The following NTN1 variants were observed in gnomAD, a reference collection of about 807,000 sequenced individuals.
The protein encoded by NTN1 is netrin-1.
Under a neutral mutation model 54.2 loss-of-function variants are expected in NTN1, and 11 were observed. That is an observed-to-expected ratio of 0.20 (90% confidence interval 0.13 to 0.34). NTN1 has a LOEUF of 0.34. Among genes scored for constraint, NTN1 ranks in the 10% least tolerant of loss-of-function variants. The pLI is 1.00. For synonymous variants in NTN1, 371 were observed against 382.0 expected (o/e 0.97, Z 0.33); for missense variants, 740 against 893.1 (o/e 0.83, Z 2.18).
At chr17:9,033,141 A>G (rs1019551639) in intron 2 of NTN1, among the ~76,000 whole-genome samples, 2 of 151,906 alleles carry the variant, frequency 1.3e-5, no homozygotes, top group African/African-American at 4.8e-5. Flanking sequence ...TTTAGTAGAG[A>G]TGGGGTTTCA....
At chr17:9,116,905 A>G (rs560643803) in intron 2 of NTN1, among the ~76,000 whole-genome samples, 8 of 152,336 alleles carry the variant, frequency 5.3e-5, no homozygotes, top group East Asian at 1.9e-4. Context: ...GGCACATCCT[A>G]TTAACAGTTG....
At chr17:9,031,742 C>T (rs373989814) in intron 2 of NTN1, among the ~76,000 whole-genome samples, 2 of 151,930 alleles carry the variant, frequency 1.3e-5, no homozygotes, top group Non-Finnish European at 2.9e-5. Context: ...GTCGGGAGTT[C>T]GAGACCAGCC....
chr17:9,196,423 C>T (rs1224906185), intron 5 of NTN1, among the ~76,000 whole-genome samples: 1 of 152,230 alleles, frequency 6.6e-6, no homozygotes, highest in Admixed American at 6.5e-5. Context: ...GCTGCCGCCT[C>T]CTGTGGCTGT....
intron 5 of NTN1, among the ~76,000 whole-genome samples, chr17:9,188,393 A>ACT (rs1222378295): frequency 6.9e-6 from 1 of 145,774 alleles, no homozygotes; most frequent in Non-Finnish European, 1.5e-5. Context: ...ACACCATTGG[A>ACT]CTCCAGCCTG....
chr17:9,237,493 G>C (rs1906030277), intron 6 of NTN1, among the ~76,000 whole-genome samples: 1 of 152,214 alleles, frequency 6.6e-6, no homozygotes, highest in African/African-American at 2.4e-5. Flanking sequence ...AATTTGTTGG[G>C]ACACCATTCA....
chr17:9,031,155 C>T (rs1038850263), intron 2 of NTN1, among the ~76,000 whole-genome samples: 1 of 152,178 alleles, frequency 6.6e-6, no homozygotes, highest in African/African-American at 2.4e-5. Flanking sequence ...TGTAGGACTA[C>T]AGGGACCTCT....
intron 2 of NTN1, among the ~76,000 whole-genome samples, chr17:9,118,019 C>A (rs2092220007): frequency 6.6e-6 from 1 of 152,180 alleles, no homozygotes; most frequent in Non-Finnish European, 1.5e-5. Flanking sequence ...GGGGCCATGC[C>A]ACGTGGCCTC....
rs1905290917 is a variant in NTN1 at position 9,219,808 on chromosome 17, G to A, written c.1412-1360G>A. Among the ~76,000 whole-genome samples, 1 of 152,214 alleles carries A rather than the reference G, an allele frequency of 6.6e-6. No homozygotes were observed. The highest frequency in any genetic ancestry group is 2.1e-4 in the South Asian group (1 of 4,836). On this transcript the variant is annotated intron_variant, in intron 5 of 6. Transcript: ENST00000173229. This position sits in a 1 kb window ranked among gnomAD's most constrained non-coding sequence, Gnocchi z 4.5. ...TCTGCGGGATAGGACGCTGCCACCTGCCCCTGGAGCAGCCGCCCGTGTGTG... is the reference window on the plus strand; with the variant it reads ...TCTGCGGGATAGGACGCTGCCACCTACCCCTGGAGCAGCCGCCCGTGTGTG...
intron 2 of NTN1, among the ~76,000 whole-genome samples, chr17:9,104,781 C>T (rs543076410): frequency 1.6e-3 from 248 of 152,276 alleles, no homozygotes; most frequent in Non-Finnish European, 2.9e-3. Context: ...AGACTTTAGG[C>T]GGGGCGATTT....
At chr17:9,182,825 G>A (rs966374201) in intron 4 of NTN1, 91 bp from the exon 5 acceptor site, 8 of 1,308,346 alleles carry the variant, frequency 6.1e-6, no homozygotes, top group Non-Finnish European at 8.9e-6. Flanking sequence ...GTTGGGAGGA[G>A]TCTGTGCTGG....
intron 6 of NTN1, among the ~76,000 whole-genome samples, chr17:9,228,666 A>AT (rs1034200901): frequency 1.6e-4 from 25 of 152,210 alleles, no homozygotes; most frequent in Non-Finnish European, 2.1e-4. Flanking sequence ...GTTGAAAGAC[A>AT]TTTTGGCACC....
chr17:9,114,170 T>A lies in NTN1; in HGVS notation c.1019-48643T>A, dbSNP rs1251345326. On this transcript the variant is annotated intron_variant, in intron 2 of 6. Coordinates refer to ENST00000173229, the MANE Select transcript of NTN1 (RefSeq NM_004822.3). ...AAAAAAAAGAAAAAAAAAAAAAATA[T>A]ATATATATATATATATGATTCAGCT... Among the ~76,000 whole-genome samples, 614 of 117,996 alleles carry A rather than the reference T, an allele frequency of 5.2e-3. 6 individuals are homozygous for A. The highest frequency in any genetic ancestry group is 0.013 in the African/African-American group (435 of 32,246). 77.4% of individuals were successfully genotyped at this position (117,996 alleles called of 152,430 possible).
chr17:9,161,265 G>A (rs1361174749), intron 2 of NTN1, among the ~76,000 whole-genome samples: 2 of 152,206 alleles, frequency 1.3e-5, no homozygotes, highest in Non-Finnish European at 2.9e-5. Flanking sequence ...AGATAAAACG[G>A]GAGTGTCCTG....
At chr17:9,062,808 C>G (rs1433571345) in intron 2 of NTN1, among the ~76,000 whole-genome samples, 1 of 152,056 alleles carries the variant, frequency 6.6e-6, no homozygotes, top group Admixed American at 6.6e-5. Flanking sequence ...TGACACCCAG[C>G]GTGTCTGTAG....
the NTN1 span, among the ~76,000 whole-genome samples, chr17:9,012,389 T>C: frequency 1.3e-5 from 2 of 152,134 alleles, no homozygotes; most frequent in Admixed American, 6.5e-5. Context: ...CGGATGCCTG[T>C]AGTCCCAGCT....
At chr17:9,015,412 A>G in the NTN1 span, among the ~76,000 whole-genome samples, 2 of 152,092 alleles carry the variant, frequency 1.3e-5, no homozygotes, top group African/African-American at 2.4e-5. Flanking sequence ...CTCTGTCTCA[A>G]ATAATAATAA....
upstream of NTN1, chr17:9,021,431 G>A (rs2091846860): frequency 6.6e-6 from 1 of 151,476 alleles, no homozygotes; most frequent in Non-Finnish European, 1.5e-5. Flanking sequence ...CTCGGAGCTG[G>A]CGGCAGCTCG....
At chr17:9,218,755 G>A (rs1005449352) in intron 5 of NTN1, among the ~76,000 whole-genome samples, 1 of 152,134 alleles carries the variant, frequency 6.6e-6, no homozygotes, top group African/African-American at 2.4e-5. Flanking sequence ...GATGAGGCTC[G>A]GAAGAGCTGA....
chr17:9,093,692 G>A (rs1479629221), intron 2 of NTN1, among the ~76,000 whole-genome samples: 2 of 152,176 alleles, frequency 1.3e-5, no homozygotes, highest in African/African-American at 4.8e-5. Context: ...TGGACAAGTT[G>A]GCTGGGCGCG....
Sources: gnomAD v4.1 joint callset for allele counts (sites outside exome capture counted in the v4.1 genomes callset) on GRCh38, gnomAD v4.1.1 for gene constraint, Gnocchi (gnomAD v3.1) non-coding constraint, MANE v1.5 for transcripts, NCBI Gene and HGNC (gene_info 2026-07-23, HGNC 2026-07-21) for gene names.